Variants in IFNGR1 observed in about 807,000 individuals in gnomAD.
IFNGR1 encodes the protein interferon gamma receptor 1, also known as AVP, type 2.
In IFNGR1, 23 loss-of-function variants were observed where a neutral mutation model predicts 35.4. The ratio of observed to expected loss-of-function variants is 0.65; its 90% CI spans 0.47 to 0.92. IFNGR1 has a LOEUF of 0.92. Among genes scored for constraint, IFNGR1 ranks in the 40% least tolerant of loss-of-function variants. The pLI is 0.00. For missense variants in IFNGR1, 533 were observed against 583.4 expected (o/e 0.91, Z 0.89); for synonymous variants, 199 against 209.5 (o/e 0.95, Z 0.43).
Position 137,219,308 on chromosome 6 carries a change from A to G in IFNGR1, c.20T>C (p.Leu7Pro). The G allele has an allele frequency of 8.7e-6, 14 of 1,609,358 alleles. No homozygotes were observed. The highest frequency in any genetic ancestry group is 1.2e-5 in the Non-Finnish European group (14 of 1,178,202). Residue 7 changes from leucine to proline, a missense_variant, in exon 1 of 7, where the codon CTA becomes CCA. Transcript: ENST00000367739. Reference protein sequence around the residue: MALLFLLPLVMQGVSRA... With the variant: MALLFLPPLVMQGVSRA... ...GCTCACACCCTGCATGACAAGGGGT[A>G]GGAGAAAGAGGAGAGCCATGCTGCT...
At chr6:137,202,602 TACACACACACACAC>T (rs3839519) in intron 5 of IFNGR1, among the ~76,000 whole-genome samples, 56 of 142,194 alleles carry the variant, frequency 3.9e-4, no homozygotes, top group Middle Eastern at 3.5e-3. Flanking sequence ...AATATATGTA[TACACACACACACAC>T]ACACACACAC....
chr6:137,205,772 A>G (rs1297605158), intron 3 of IFNGR1, among the ~76,000 whole-genome samples: 1 of 152,172 alleles, frequency 6.6e-6, no homozygotes, highest in Non-Finnish European at 1.5e-5. Context: ...AGGGGAGGAT[A>G]CAGGTTGAGT....
Position 137,203,633 on chromosome 6 carries a change from C to T in IFNGR1, c.599G>A (p.Cys200Tyr), listed in dbSNP as rs773866544. Residue 200 changes from cysteine (C) to tyrosine (Y), a missense_variant, in exon 5 of 7, where the codon TGC becomes TAC. Transcript: ENST00000367739. Reference protein sequence around the residue: ...QKEDDCDEIQCQLAIPVSSLN... With the variant: ...QKEDDCDEIQYQLAIPVSSLN... ...TGAGGATACTGGAATCGCTAACTGG[C>T]ACTGAATCTCGTCACAATCATCTTC... is the stretch of plus-strand genomic sequence containing the variant. 1 of 1,612,584 alleles carries T rather than the reference C, an allele frequency of 6.2e-7. No homozygotes were observed.
intron 5 of IFNGR1, among the ~76,000 whole-genome samples, chr6:137,201,966 C>T (rs997022420): frequency 6.6e-5 from 10 of 151,570 alleles, no homozygotes; most frequent in African/African-American, 2.4e-4. Context: ...TTTTGCAGCA[C>T]AATCTTCAGT....
intron 1 of IFNGR1, among the ~76,000 whole-genome samples, chr6:137,216,577 A>C (rs977903237): frequency 1.3e-5 from 2 of 152,200 alleles, no homozygotes; most frequent in African/African-American, 4.8e-5. Flanking sequence ...CCTCTCATCT[A>C]AGATGAACTT....
At chr6:137,212,679 G>A (rs1394937035) in intron 1 of IFNGR1, among the ~76,000 whole-genome samples, 1 of 152,200 alleles carries the variant, frequency 6.6e-6, no homozygotes, top group Non-Finnish European at 1.5e-5. Context: ...CAAACAAAGT[G>A]CATTTGTACT....
chr6:137,216,178 A>C (rs1779692937), intron 1 of IFNGR1, among the ~76,000 whole-genome samples: 1 of 152,210 alleles, frequency 6.6e-6, no homozygotes, highest in Admixed American at 6.5e-5. Flanking sequence ...AATAGTGAAA[A>C]ATTTAAACAG....
At chr6:137,208,198 T>G (rs574494684) in intron 1 of IFNGR1, among the ~76,000 whole-genome samples, 60 of 152,290 alleles carry the variant, frequency 3.9e-4, no homozygotes, top group Non-Finnish European at 7.2e-4. Context: ...ATTCAAGAAG[T>G]GACTTGCGTG....
chr6:137,202,226 C>T (rs1321125397), intron 5 of IFNGR1, among the ~76,000 whole-genome samples: 2 of 152,220 alleles, frequency 1.3e-5, no homozygotes, highest in Non-Finnish European at 2.9e-5. Context: ...GTGCTGGCTG[C>T]AAGGCATTGA....
At chr6:137,217,120 G>C (rs1691953852) in intron 1 of IFNGR1, among the ~76,000 whole-genome samples, 1 of 152,180 alleles carries the variant, frequency 6.6e-6, no homozygotes, top group Non-Finnish European at 1.5e-5. Context: ...CATCCAGTCA[G>C]AGGCCTACTA....
intron 6 of IFNGR1, among the ~76,000 whole-genome samples, chr6:137,199,537 TA>T (rs1779219048): frequency 1.7e-5 from 1 of 58,386 alleles, no homozygotes; most frequent in African/African-American, 6.0e-5. Context: ...TAATATATAA[TA>T]TATATTATAT....
intron 5 of IFNGR1, among the ~76,000 whole-genome samples, chr6:137,201,882 A>G (rs1008226912): frequency 3.3e-5 from 5 of 152,200 alleles, no homozygotes; most frequent in Non-Finnish European, 5.9e-5. Flanking sequence ...ATAATATAAA[A>G]TAGGAAAGAT....
intron 6 of IFNGR1, among the ~76,000 whole-genome samples, chr6:137,199,327 T>C (rs1009647523): frequency 7.6e-6 from 1 of 130,956 alleles, no homozygotes; most frequent in African/African-American, 2.9e-5. Context: ...AATATATAAT[T>C]TATAATATAT....
At chr6:137,214,673 T>C (rs1290388076) in intron 1 of IFNGR1, among the ~76,000 whole-genome samples, 2 of 152,230 alleles carry the variant, frequency 1.3e-5, no homozygotes, top group Admixed American at 6.5e-5. Flanking sequence ...CAATTTCATC[T>C]AGTTGGGTTT....
At chr6:137,204,102 T>C (rs558825762) in intron 4 of IFNGR1, among the ~76,000 whole-genome samples, 14 of 152,198 alleles carry the variant, frequency 9.2e-5, no homozygotes, top group Non-Finnish European at 1.9e-4. Flanking sequence ...ATTAGAGCCA[T>C]TCTGCTAAAT....
chr6:137,200,432 T>C (rs1779250743), intron 6 of IFNGR1, among the ~76,000 whole-genome samples: 2 of 152,224 alleles, frequency 1.3e-5, no homozygotes, highest in African/African-American at 4.8e-5. Flanking sequence ...TTCAAAGTCA[T>C]GCTTTCTTGG....
chr6:137,208,745 A>G (rs1241255201), intron 1 of IFNGR1, among the ~76,000 whole-genome samples: 1 of 152,218 alleles, frequency 6.6e-6, no homozygotes, highest in Non-Finnish European at 1.5e-5. Flanking sequence ...GCCCTCATGG[A>G]GAACCTCTGC....
chr6:137,205,911 T>A (rs1779416664), intron 3 of IFNGR1, among the ~76,000 whole-genome samples: 1 of 152,188 alleles, frequency 6.6e-6, no homozygotes, highest in Non-Finnish European at 1.5e-5. Context: ...AATGCTCCAA[T>A]GAGTATTTCC....
At chr6:137,215,926 G>C (rs1321659209) in intron 1 of IFNGR1, among the ~76,000 whole-genome samples, 1 of 152,134 alleles carries the variant, frequency 6.6e-6, no homozygotes, top group Non-Finnish European at 1.5e-5. Flanking sequence ...TGCCCAGGCT[G>C]GTCTTGAACT....
Sources: gnomAD v4.1 joint callset for allele counts (sites outside exome capture counted in the v4.1 genomes callset) on GRCh38, gnomAD v4.1.1 for gene constraint, MANE v1.5 for transcripts, NCBI Gene and HGNC (gene_info 2026-07-23, HGNC 2026-07-21) for gene names.